The following ZNF507 variants were observed in gnomAD, a reference collection of about 807,000 sequenced individuals.
ZNF507 encodes the protein zinc finger protein 507.
ZNF507 carries 29 observed loss-of-function variants against 80.0 expected under a neutral mutation model. The observed-to-expected ratio is 0.36, with a 90% CI of 0.27 to 0.49. ZNF507 has a LOEUF of 0.49. Ranked by LOEUF, ZNF507 falls within the 20% of genes least tolerant of loss-of-function variation. ZNF507 has a pLI of 0.98. For missense variants in ZNF507, 1,081 were observed against 1,152.2 expected (o/e 0.94, Z 0.90); for synonymous variants, 462 against 422.5 (o/e 1.09, Z -1.15).
rs557024784 is a variant in ZNF507, at chr19:32,386,180, C to G, written c.*3097C>G. ...GCCAGATAGTGCAATGTTGTGACAC[C>G]GACCGAAGCCTTTGTTCTGGATCTT... On this transcript the variant is annotated 3_prime_UTR_variant, in exon 7 of 7. Coordinates refer to ENST00000355898, the MANE Select transcript of ZNF507 (RefSeq NM_001136156.2). The G allele has an allele frequency of 5.9e-5, 9 of 152,614 alleles. No individual in the cohort carries two copies. The highest frequency in any genetic ancestry group is 1.2e-4 in the Non-Finnish European group (8 of 68,012). 9.5% of individuals were successfully genotyped at this position (152,614 alleles called of 1,614,324 possible).
intron 5 of ZNF507, among the ~76,000 whole-genome samples, chr19:32,362,286 T>C (rs1435624327): frequency 1.3e-5 from 2 of 152,216 alleles, no homozygotes; most frequent in Admixed American, 6.5e-5. Flanking sequence ...GTTTACCTGA[T>C]AGGAGGAGAA....
intron 5 of ZNF507, among the ~76,000 whole-genome samples, chr19:32,363,231 T>C (rs1294205205): frequency 6.6e-6 from 1 of 152,202 alleles, no homozygotes; most frequent in Non-Finnish European, 1.5e-5. Context: ...TCCTATGCAT[T>C]TCTGATTCCC....
intron 1 of ZNF507, among the ~76,000 whole-genome samples, 177 bp from the exon 2 acceptor site, chr19:32,347,068 C>T (rs973534469): frequency 7.9e-5 from 12 of 151,998 alleles, no homozygotes; most frequent in Non-Finnish European, 1.6e-4. Context: ...CTCAAGTCGG[C>T]TTGTTAGATA....
rs755409607 is a variant in ZNF507, at chr19:32,356,594, C to T, written c.2128-22C>T. 13 of 1,557,656 alleles carry T rather than the reference C, an allele frequency of 8.3e-6. No individual in the cohort carries two copies. In the South Asian group the frequency reaches 8.9e-5, roughly 11 times the overall value. On this transcript the variant is annotated intron_variant, in intron 3 of 6. Transcript: ENST00000355898. Reference sequence around the variant, plus strand: ...GGACATGTATATTTATTGAAAATTACATATTTCTTTCCACTTTTTAGAGTC... The same window carrying T: ...GGACATGTATATTTATTGAAAATTATATATTTCTTTCCACTTTTTAGAGTC...
Position 32,354,513 on chromosome 19 carries a change from C to G in ZNF507, c.1683C>G (p.Asn561Lys). 1 of 1,614,224 alleles carries G rather than the reference C, an allele frequency of 6.2e-7. No homozygotes were observed. Residue 561 changes from asparagine (N) to lysine (K), a missense_variant, in exon 3 of 7, where the codon AAC becomes AAG. Physicochemically the swap from Asn to Lys is moderately conservative, Grantham distance 94. This residue lies in a region of ZNF507 where 614 missense variants were observed against 583.9 expected (regional missense o/e 1.05). Coordinates refer to ENST00000355898, the MANE Select transcript of ZNF507 (RefSeq NM_001136156.2). ...SDGLTSLNQS[N>K]STLVALPEGR... is the part of the protein sequence containing the mutation. ...GATTAACTAGTCTTAACCAAAGCAA[C>G]TCCACCTTGGTAGCACTCCCAGAGG...
chr19:32,366,189 C>T (rs1775724953), intron 5 of ZNF507, among the ~76,000 whole-genome samples: 1 of 151,928 alleles, frequency 6.6e-6, no homozygotes, highest in South Asian at 2.1e-4. Context: ...AAGTCTCTCT[C>T]TCCCTCCCTC....
chr19:32,363,158 G>T (rs1345233343), intron 5 of ZNF507, among the ~76,000 whole-genome samples: 2 of 152,158 alleles, frequency 1.3e-5, no homozygotes, highest in African/African-American at 4.8e-5. Context: ...GCTTCATTCA[G>T]TTTCGTTGCC....
At chr19:32,347,118 C>T (rs1250014415) in intron 1 of ZNF507, 127 bp from the exon 2 acceptor site, 2 of 152,158 alleles carry the variant, frequency 1.3e-5, no homozygotes, top group Admixed American at 6.5e-5. Flanking sequence ...GTTGCATGAA[C>T]ATTCCTCTGA....
chr19:32,360,326 T>C (rs1460037482), intron 4 of ZNF507, among the ~76,000 whole-genome samples, 178 bp from the exon 5 acceptor site: 1 of 152,236 alleles, frequency 6.6e-6, no homozygotes, highest in Non-Finnish European at 1.5e-5. Flanking sequence ...TATCTGCTGA[T>C]AGTGTATATG....
intron 5 of ZNF507, among the ~76,000 whole-genome samples, chr19:32,368,973 G>C: frequency 6.6e-6 from 1 of 152,160 alleles, no homozygotes; most frequent in Non-Finnish European, 1.5e-5. Context: ...TTGGTCCCAG[G>C]CCAGGAAAGT....
At chr19:32,362,565 G>T (rs760813316) in intron 5 of ZNF507, among the ~76,000 whole-genome samples, 32 of 152,156 alleles carry the variant, frequency 2.1e-4, no homozygotes, top group Non-Finnish European at 4.0e-4. Context: ...TTAGGAAAAA[G>T]GTTAGCGATT....
At chr19:32,380,447 G>T (rs1967608936) in intron 5 of ZNF507, among the ~76,000 whole-genome samples, 1 of 152,186 alleles carries the variant, frequency 6.6e-6, no homozygotes, top group Non-Finnish European at 1.5e-5. Context: ...TCCTCAGAGT[G>T]TATGATAAAA....
intron 5 of ZNF507, among the ~76,000 whole-genome samples, chr19:32,381,096 G>A (rs1967616855): frequency 6.6e-6 from 1 of 152,090 alleles, no homozygotes; most frequent in South Asian, 2.1e-4. Flanking sequence ...ATCAAGCCCT[G>A]AAAGACATGT....
In ZNF507 at chr19:32,385,972, A is replaced by G. The variant is rs1967683811; in HGVS notation, c.*2889A>G. The G allele has an allele frequency of 6.6e-6, 1 of 152,242 alleles. No individual in the cohort carries two copies. The highest frequency in any genetic ancestry group is 2.1e-4 in the South Asian group (1 of 4,830). The allele number at this position is 152,242 out of a possible 1,614,324, so 9.4% of individuals were successfully genotyped here. On this transcript the variant is annotated 3_prime_UTR_variant, in exon 7 of 7. Coordinates refer to ENST00000355898, the MANE Select transcript of ZNF507 (RefSeq NM_001136156.2). ...GACGTGATAGTGAAAATAGCTTTGA[A>G]AAGAAACTACATATGGCAAAGGTGG...
intron 2 of ZNF507, among the ~76,000 whole-genome samples, chr19:32,348,040 G>A (rs534702521): frequency 1.5e-3 from 231 of 152,260 alleles, no homozygotes; most frequent in African/African-American, 5.4e-3. Flanking sequence ...CAGTTTCCAG[G>A]TAACTTTATA....
intron 4 of ZNF507, chr19:32,359,682 C>T (rs773747663): frequency 1.2e-4 from 19 of 152,190 alleles, no homozygotes; most frequent in African/African-American, 3.4e-4. Flanking sequence ...GGCTACTTTT[C>T]GTTGGATCCA....
intron 4 of ZNF507, chr19:32,358,521 C>G (rs892997018): frequency 1.3e-5 from 2 of 152,196 alleles, no homozygotes; most frequent in Admixed American, 1.3e-4. Context: ...CACTGCCCTT[C>G]AGGAATCCAA....
At chr19:32,348,479 A>C (rs1241811738) in intron 2 of ZNF507, among the ~76,000 whole-genome samples, 4 of 152,216 alleles carry the variant, frequency 2.6e-5, no homozygotes, top group Non-Finnish European at 5.9e-5. Context: ...TGTAATTATA[A>C]AGAACTAATT....
chr19:32,355,592 CT>C (rs1752637734), intron 3 of ZNF507, among the ~76,000 whole-genome samples: 1 of 152,124 alleles, frequency 6.6e-6, no homozygotes, highest in Non-Finnish European at 1.5e-5. Flanking sequence ...AAGTGCTATT[CT>C]TTTATAAAGG....
Sources: allele counts gnomAD v4.1 joint callset (sites outside exome capture counted in the v4.1 genomes callset), GRCh38; gene constraint gnomAD v4.1.1; regional missense constraint gnomAD v4.1.1; transcripts MANE v1.5; gene names NCBI Gene and HGNC (gene_info 2026-07-23, HGNC 2026-07-21).